Variants in TAFA2 observed in about 807,000 individuals in gnomAD.
TAFA2 encodes the protein TAFA chemokine like family member 2, also known as chemokine-like protein TAFA-2.
A neutral mutation model predicts 18.8 loss-of-function variants in TAFA2; 7 were observed. That is an observed-to-expected ratio of 0.37 (90% CI 0.21 to 0.70). The LOEUF is 0.70. TAFA2 is among the 30% of genes least tolerant of loss of function. The pLI is 0.53. For synonymous variants in TAFA2, 60 were observed against 54.2 expected (o/e 1.11, Z -0.47); for missense variants, 122 against 158.1 (o/e 0.77, Z 1.23).
At chr12:61,920,934 C>A (rs1378062633) in intron 1 of TAFA2, among the ~76,000 whole-genome samples, 1 of 151,620 alleles carries the variant, frequency 6.6e-6, no homozygotes, top group Non-Finnish European at 1.5e-5. Context: ...TGAGTGAGTA[C>A]CCAAGCGAAT....
chr12:61,747,886 A>G (rs1273202805), intron 4 of TAFA2, among the ~76,000 whole-genome samples: 1 of 152,146 alleles, frequency 6.6e-6, no homozygotes, highest in Non-Finnish European at 1.5e-5. Flanking sequence ...AAAGAAAAAA[A>G]AAAGAAATTT....
chr12:61,721,025 C>A (rs1869871435), intron 4 of TAFA2: 2 of 469,894 alleles, frequency 4.3e-6, no homozygotes, highest in South Asian at 3.1e-5. Flanking sequence ...AAAGGGACAA[C>A]AAGACAATAA....
At chr12:61,865,991 T>A (rs1011543762) in intron 2 of TAFA2, among the ~76,000 whole-genome samples, 1 of 152,228 alleles carries the variant, frequency 6.6e-6, no homozygotes, top group African/African-American at 2.4e-5. Context: ...TTCTTTGGTC[T>A]TGTTGGTTGC....
intron 2 of TAFA2, among the ~76,000 whole-genome samples, chr12:61,807,194 T>C (rs1278570715): frequency 6.6e-6 from 1 of 151,362 alleles, no homozygotes; most frequent in Admixed American, 6.6e-5. Flanking sequence ...CCTCATGCTG[T>C]GTGCAGCCTA....
intron 1 of TAFA2, among the ~76,000 whole-genome samples, chr12:62,176,680 G>A (rs536840630): frequency 1.3e-4 from 20 of 152,188 alleles, no homozygotes; most frequent in African/African-American, 4.3e-4. Context: ...TCATAGAAAT[G>A]CATTTATAGG....
chr12:62,129,793 C>A (rs1870609380), intron 1 of TAFA2, among the ~76,000 whole-genome samples: 1 of 151,848 alleles, frequency 6.6e-6, no homozygotes, highest in African/African-American at 2.4e-5. Context: ...TCCTTTCATC[C>A]CCAGGACAGT....
At chr12:61,881,485 G>A (rs899855141) in intron 1 of TAFA2, among the ~76,000 whole-genome samples, 3 of 152,118 alleles carry the variant, frequency 2.0e-5, no homozygotes, top group Non-Finnish European at 4.4e-5. Context: ...AATCTTATGG[G>A]ACCACTATTG....
chr12:61,895,900 TTA>T (rs1875821302), intron 1 of TAFA2, among the ~76,000 whole-genome samples: 1 of 152,028 alleles, frequency 6.6e-6, no homozygotes, highest in Non-Finnish European at 1.5e-5. Context: ...AGAAAACAGA[TTA>T]TACCAACTCT....
intron 1 of TAFA2, among the ~76,000 whole-genome samples, chr12:61,942,093 C>A (rs2121423962): frequency 6.6e-6 from 1 of 151,468 alleles, no homozygotes; most frequent in African/African-American, 2.4e-5. Flanking sequence ...TCCCAGCACG[C>A]AGCTGGAGAT....
chr12:61,981,385 G>T (rs1247038890), intron 1 of TAFA2, among the ~76,000 whole-genome samples: 2 of 152,166 alleles, frequency 1.3e-5, no homozygotes, highest in Non-Finnish European at 2.9e-5. Flanking sequence ...ACACCTTTCA[G>T]GACATAGGCA....
At chr12:62,009,595 A>G (rs1880663828) in intron 1 of TAFA2, among the ~76,000 whole-genome samples, 1 of 152,234 alleles carries the variant, frequency 6.6e-6, no homozygotes, top group Non-Finnish European at 1.5e-5. Context: ...TTTATCAGAT[A>G]TAAAAAATAT....
intron 2 of TAFA2, chr12:61,776,494 A>G (rs1389996100): frequency 6.6e-6 from 1 of 152,358 alleles, no homozygotes; most frequent in Non-Finnish European, 1.5e-5. Context: ...TCACAGCCAC[A>G]GACTATACTA....
At chr12:61,905,709 G>T (rs1267209178) in intron 1 of TAFA2, among the ~76,000 whole-genome samples, 1 of 152,162 alleles carries the variant, frequency 6.6e-6, no homozygotes, top group Non-Finnish European at 1.5e-5. Flanking sequence ...TCAAGGAAAA[G>T]CTCTTGTCCT....
intron 1 of TAFA2, among the ~76,000 whole-genome samples, chr12:61,925,970 G>A (rs887759417): frequency 1.7e-4 from 26 of 151,750 alleles, no homozygotes; most frequent in Admixed American, 3.9e-4. Flanking sequence ...TAATAAAGAA[G>A]AAAAAAGAGA....
intron 1 of TAFA2, among the ~76,000 whole-genome samples, chr12:61,940,883 TA>T (rs1321323715): frequency 6.6e-6 from 1 of 151,892 alleles, no homozygotes; most frequent in Non-Finnish European, 1.5e-5. Flanking sequence ...GAAACGGTAG[TA>T]ATTTATTTAA....
intron 2 of TAFA2, among the ~76,000 whole-genome samples, chr12:61,806,425 T>G (rs1421849690): frequency 6.6e-6 from 1 of 152,198 alleles, no homozygotes; most frequent in East Asian, 1.9e-4. Flanking sequence ...CACACGGAAC[T>G]GTAAGTCCAA....
rs1427153329 is a variant in TAFA2, at chr12:62,147,244, GTATATATGTATGTGTA to G, written c.-2+43999_-2+44014del. ...GAAAACCAAATACATATATATATAT[GTATATATGTATGTGTA>G]TATATATGTGTGTGTGTATATATAT... is the stretch of plus-strand genomic sequence containing the variant. On this transcript the variant is annotated intron_variant, in intron 1 of 4. Transcript: ENST00000416284. Among the ~76,000 whole-genome samples, 464 of 127,804 alleles carry G rather than the reference GTATATATGTATGTGTA, an allele frequency of 3.6e-3. 4 individuals carry two copies. Among genetic ancestry groups the G allele is most frequent in the African/African-American group, 0.012 (433 of 34,826 alleles). 83.8% of individuals were successfully genotyped at this position (127,804 alleles called of 152,430 possible).
chr12:61,883,140 T>G (rs1027996778), intron 1 of TAFA2, among the ~76,000 whole-genome samples: 1 of 152,146 alleles, frequency 6.6e-6, no homozygotes, highest in African/African-American at 2.4e-5. Context: ...AGTTGTAAAT[T>G]TTTAATTTGG....
At chr12:62,147,393 T>C (rs2062293022) in intron 1 of TAFA2, among the ~76,000 whole-genome samples, 1 of 131,278 alleles carries the variant, frequency 7.6e-6, no homozygotes, top group Non-Finnish European at 1.6e-5. Context: ...AAAACAAAAA[T>C]TGACACCTGA....
Sources: gnomAD v4.1 joint callset for allele counts (sites outside exome capture counted in the v4.1 genomes callset) on GRCh38, gnomAD v4.1.1 for gene constraint, MANE v1.5 for transcripts, NCBI Gene and HGNC (gene_info 2026-07-23, HGNC 2026-07-21) for gene names.